Variants in FRMD8 observed in about 807,000 individuals in gnomAD.
The protein encoded by FRMD8 is FERM domain-containing protein 8.
Under a neutral mutation model 54.2 loss-of-function variants are expected in FRMD8, and 37 were observed. That is an observed-to-expected ratio of 0.68 (90% confidence interval 0.53 to 0.90). FRMD8 has a LOEUF of 0.90. Ranked by LOEUF, FRMD8 falls within the 40% of genes least tolerant of loss-of-function variation. The pLI is 0.00. For synonymous variants in FRMD8, 246 were observed against 286.9 expected (o/e 0.86, Z 1.44); for missense variants, 585 against 653.7 (o/e 0.89, Z 1.15).
At chr11:65,370,350 G>A in the FRMD8 span, among the ~76,000 whole-genome samples, 1 of 151,638 alleles carries the variant, frequency 6.6e-6, no homozygotes, top group Admixed American at 6.6e-5. Flanking sequence ...TGGTTCTGCA[G>A]AGGACTGGGA....
the FRMD8 span, among the ~76,000 whole-genome samples, chr11:65,368,407 C>T: frequency 6.6e-6 from 1 of 151,760 alleles, no homozygotes; most frequent in African/African-American, 2.4e-5. Context: ...ACGGGGGTCT[C>T]GCTATGTTTT....
Position 65,411,390 on chromosome 11 carries a change from C to G in FRMD8, c.*30C>G, listed in dbSNP as rs562439563. 3.4e-6 allele frequency: 5 copies of G among 1,453,136 alleles called. No homozygotes were observed. Among genetic ancestry groups the G allele is most frequent in the Admixed American group, 2.1e-5 (1 of 47,188 alleles). 90.0% of individuals were successfully genotyped at this position (1,453,136 alleles called of 1,614,324 possible). On this transcript the variant is annotated 3_prime_UTR_variant, in exon 11 of 11. Transcript: ENST00000317568. ...GCTGCACCCGGCAGGAGGAGGGCGA[C>G]TGGGGGCCCTGGCCCGGCACTGTCC... is the stretch of plus-strand genomic sequence containing the variant.
chr11:65,399,477 G>A (rs959944733), intron 7 of FRMD8, among the ~76,000 whole-genome samples: 2 of 152,160 alleles, frequency 1.3e-5, no homozygotes, highest in African/African-American at 4.8e-5. Flanking sequence ...CACACCTGGG[G>A]CCACGCGCTT....
At position 65,386,717 on chromosome 11, in the gene FRMD8, G is replaced by GC. The variant is rs1855738904; in HGVS notation, c.-44dup. On this transcript the variant is annotated 5_prime_UTR_variant, in exon 1 of 11. Transcript: ENST00000317568. Reference sequence around the variant, plus strand: ...GCTTGGCGGCGGGGCAGGATTCCAGGCAGGAGCCTTGCCTCTCAGGTGGCG... The same window carrying GC: ...GCTTGGCGGCGGGGCAGGATTCCAGGCCAGGAGCCTTGCCTCTCAGGTGGCG... 24 of 361,474 alleles carry GC rather than the reference G, an allele frequency of 6.6e-5. No homozygotes were observed. The South Asian group carries it at 1.6e-3, about 24-fold the overall frequency. The allele number at this position is 361,474 out of a possible 1,614,324, so 22.4% of individuals were successfully genotyped here.
chr11:65,376,962 C>A, the FRMD8 span: 1 of 1,613,220 alleles, frequency 6.2e-7, no homozygotes, highest in Non-Finnish European at 8.5e-7. Context: ...AAGATGGAGG[C>A]TGCACAGTGC....
chr11:65,384,038 C>T (rs115812221), upstream of FRMD8, among the ~76,000 whole-genome samples: 110 of 152,160 alleles, frequency 7.2e-4, no homozygotes, highest in African/African-American at 2.5e-3. Flanking sequence ...GGCTGGAGGC[C>T]GCCTCCTCCC....
chr11:65,389,622 C>T (rs1315032904), intron 3 of FRMD8, 94 bp downstream of exon 3: 2 of 1,294,370 alleles, frequency 1.5e-6, no homozygotes, highest in South Asian at 2.8e-5. Context: ...CGCTGGGGAG[C>T]CGCTGGCCAC....
chr11:65,404,938 C>T lies in FRMD8; in HGVS notation c.1146C>T (p.Asp382=), dbSNP rs1565611833. ...SQAAEPAGPQ[D]SATGSPSDPS... ...CGGCGGAGCCCGCAGGCCCCCAGGA[C>T]AGTGCGACTGGCTCGCCCTCGGACC... Residue 382 remains aspartate, a synonymous_variant, in exon 10 of 11, where the codon GAC becomes GAT. Transcript: ENST00000317568. The surrounding 1 kb of genome is among the most constrained non-coding windows in gnomAD (Gnocchi z 4.7). 2 of 1,613,340 alleles carry T rather than the reference C, an allele frequency of 1.2e-6. No homozygotes were observed. The highest frequency in any genetic ancestry group is 2.7e-5 in the African/African-American group (2 of 75,076).
At chr11:65,386,900 T>C (rs947459806) in intron 1 of FRMD8, 137 bp from the exon 2 acceptor site, 4 of 750,646 alleles carry the variant, frequency 5.3e-6, no homozygotes, top group African/African-American at 1.7e-5. Flanking sequence ...GTCTGCACTC[T>C]TGGCCCCTCC....
At chr11:65,371,367 G>A in the FRMD8 span, among the ~76,000 whole-genome samples, 3 of 152,102 alleles carry the variant, frequency 2.0e-5, no homozygotes, top group Non-Finnish European at 2.9e-5. Flanking sequence ...GAAGTATGAC[G>A]CTGGACAACA....
the FRMD8 span, among the ~76,000 whole-genome samples, chr11:65,370,826 A>G: frequency 6.6e-6 from 1 of 152,112 alleles, no homozygotes; most frequent in South Asian, 2.1e-4. Context: ...GCACTTTGGG[A>G]GGCTGAGACA....
chr11:65,379,260 C>A, the FRMD8 span: 7 of 1,221,178 alleles, frequency 5.7e-6, no homozygotes, highest in South Asian at 6.8e-5. Context: ...GCCTCTTGTT[C>A]CCCTCCAAGA....
In FRMD8 at chr11:65,389,348, G is replaced by T; in HGVS notation, c.86-13G>T. The T allele has an allele frequency of 6.2e-7, 1 of 1,608,570 alleles. No homozygotes were observed. ...CAGAGGCCTCAGCTGAGCCTGCCTG[G>T]TCTCCATCACAGCGGCTGACGTGCT... On this transcript the variant is annotated splice_polypyrimidine_tract_variant and intron_variant, in intron 2 of 10. Transcript: ENST00000317568.
At chr11:65,368,787 T>A in the FRMD8 span, among the ~76,000 whole-genome samples, 3 of 150,980 alleles carry the variant, frequency 2.0e-5, no homozygotes, top group Non-Finnish European at 4.4e-5. Context: ...ATGGTCTTGA[T>A]CTCCTGACCT....
upstream of FRMD8, chr11:65,382,071 A>C (rs1855598033): frequency 3.2e-6 from 3 of 928,640 alleles, no homozygotes; most frequent in Non-Finnish European, 5.2e-6. The surrounding 1 kb of genome is among the most constrained non-coding windows in gnomAD (Gnocchi z 4.4). Flanking sequence ...CGGGAAGGTG[A>C]GAATTGGCCT....
At position 65,413,412 on chromosome 11, in the gene FRMD8, A is replaced by G. The variant is rs647284; in HGVS notation, c.*2052A>G. ...AGCTTCTTACGTTTTCTGAGCATCC[A>G]TTGTGCCTTAACATTTTCTGCTTGT... On this transcript the variant is annotated 3_prime_UTR_variant, in exon 11 of 11. Coordinates refer to ENST00000317568, the MANE Select transcript of FRMD8 (RefSeq NM_031904.5). The G allele has an allele frequency of 0.96, 145,717 of 152,308 alleles. 70,010 individuals carry two copies. The highest frequency in any genetic ancestry group is 1 in the East Asian group (5,188 of 5,188). 9.4% of individuals were successfully genotyped at this position (152,308 alleles called of 1,614,324 possible). A position where few individuals can be genotyped will look rare whatever the true frequency, so the allele number is the denominator to read the frequency against.
intron 3 of FRMD8, among the ~76,000 whole-genome samples, chr11:65,389,923 C>G (rs1230494933): frequency 6.6e-6 from 1 of 152,160 alleles, no homozygotes; most frequent in African/African-American, 2.4e-5. Flanking sequence ...GCCAGTCTTG[C>G]AGATGGAAGT....
In FRMD8 at chr11:65,404,964, C is replaced by G; in HGVS notation, c.1172C>G (p.Pro391Arg). The change falls in exon 10 of 11, where the codon CCC (proline) becomes CGC (arginine). Residue 391 changes from proline (P) to arginine (R), a missense_variant. Coordinates refer to ENST00000317568, the MANE Select transcript of FRMD8 (RefSeq NM_031904.5). This position sits in a 1 kb window ranked among gnomAD's most constrained non-coding sequence, Gnocchi z 4.7. ...QDSATGSPSD[P>R]SSSLAPVQRP... ...AGTGCGACTGGCTCGCCCTCGGACC[C>G]CAGCTCCTCACTGGCTCCTGTTCAG... is the stretch of plus-strand genomic sequence containing the variant. The G allele has an allele frequency of 6.2e-7, 1 of 1,613,186 alleles. No individual in the cohort carries two copies. Among genetic ancestry groups the G allele is most frequent in the Non-Finnish European group, 8.5e-7 (1 of 1,180,032 alleles).
chr11:65,380,124 A>G, the FRMD8 span: 1 of 1,613,594 alleles, frequency 6.2e-7, no homozygotes, highest in Non-Finnish European at 8.5e-7. Flanking sequence ...CAGCTCTCCT[A>G]AACTCACCTT....
Sources: gnomAD v4.1 joint callset for allele counts (sites outside exome capture counted in the v4.1 genomes callset) on GRCh38, gnomAD v4.1.1 for gene constraint, Gnocchi (gnomAD v3.1) non-coding constraint, MANE v1.5 for transcripts, NCBI Gene and HGNC (gene_info 2026-07-23, HGNC 2026-07-21) for gene names.